Variants in SUCLG2 observed in about 807,000 individuals in gnomAD.
SUCLG2 encodes the protein succinate--CoA ligase [GDP-forming] subunit beta, mitochondrial.
SUCLG2 carries 42 observed loss-of-function variants against 47.9 expected under a neutral mutation model. The ratio of observed to expected loss-of-function variants is 0.88; its 90% confidence interval spans 0.69 to 1.14. The LOEUF is 1.14. Ranked by LOEUF, SUCLG2 falls within the 50% of genes most tolerant of loss-of-function variation. SUCLG2 has a pLI of 0.00. For synonymous variants in SUCLG2, 195 were observed against 197.3 expected (o/e 0.99, Z 0.10); for missense variants, 571 against 525.9 (o/e 1.09, Z -0.84).
At chr3:67,472,407 A>G (rs1181208431) in intron 9 of SUCLG2, among the ~76,000 whole-genome samples, 1 of 152,212 alleles carries the variant, frequency 6.6e-6, no homozygotes, top group East Asian at 1.9e-4. Flanking sequence ...GACATATTAC[A>G]TGATATACTG....
chr3:67,586,185 G>A (rs1012866496), intron 2 of SUCLG2, among the ~76,000 whole-genome samples: 1 of 152,086 alleles, frequency 6.6e-6, no homozygotes, highest in Non-Finnish European at 1.5e-5. Flanking sequence ...CAAGGATGAA[G>A]CATCCTACTT....
intron 1 of SUCLG2, among the ~76,000 whole-genome samples, chr3:67,627,013 GT>G (rs1375166613): frequency 6.8e-6 from 1 of 147,958 alleles, no homozygotes; most frequent in Non-Finnish European, 1.5e-5. Context: ...AAATGTTTTT[GT>G]TTTTAAAAAA....
intron 9 of SUCLG2, among the ~76,000 whole-genome samples, chr3:67,424,651 C>T (rs1388979323): frequency 6.6e-6 from 1 of 152,128 alleles, no homozygotes; most frequent in African/African-American, 2.4e-5. Context: ...CAATAATCCA[C>T]ATGAAGTACA....
intron 1 of SUCLG2, among the ~76,000 whole-genome samples, chr3:67,620,903 CTTCA>C (rs1162981508): frequency 6.6e-6 from 1 of 152,198 alleles, no homozygotes; most frequent in Non-Finnish European, 1.5e-5. Flanking sequence ...AGAGTTTAGA[CTTCA>C]TTCACTCAGT....
intron 9 of SUCLG2, among the ~76,000 whole-genome samples, chr3:67,405,704 T>C (rs1197584970): frequency 6.6e-6 from 1 of 152,194 alleles, no homozygotes; most frequent in Admixed American, 6.5e-5. Context: ...AGAGGAATAG[T>C]GAATTCTTCG....
chr3:67,585,993 C>CAAAAAAAAAAAAAAAAAAAAAAAAAAAAA (rs1575797477), intron 2 of SUCLG2, among the ~76,000 whole-genome samples: 1 of 20,738 alleles, frequency 4.8e-5, no homozygotes, highest in African/African-American at 1.4e-4. Flanking sequence ...AAAAAAAAAC[C>CAAAAAAAAAAAAAAAAAAAAAAAAAAAAA]AAACCCACAA....
intron 1 of SUCLG2, among the ~76,000 whole-genome samples, chr3:67,649,922 G>C (rs950536895): frequency 6.6e-6 from 1 of 152,160 alleles, no homozygotes; most frequent in Non-Finnish European, 1.5e-5. Context: ...TGCAGAACTA[G>C]ACCAGGGTAC....
In SUCLG2 at chr3:67,375,059, G is replaced by A. The variant is rs1395499793; in HGVS notation, c.*685C>T. 1.0e-6 allele frequency: 1 copy of A among 985,516 alleles called. No homozygotes were observed. 61.0% of individuals were successfully genotyped at this position (985,516 alleles called of 1,614,324 possible). A position where few individuals can be genotyped will look rare whatever the true frequency, so the allele number is the denominator to read the frequency against. On this transcript the variant is annotated 3_prime_UTR_variant, in exon 11 of 11. Coordinates refer to ENST00000307227, the MANE Select transcript of SUCLG2 (RefSeq NM_003848.4). ...CTTCCACTCCCAAAATCACAAATAA[G>A]GCTTCTGGTTTTCTTTTTAGTGTGA...
At chr3:67,631,483 C>T (rs1009896615) in intron 1 of SUCLG2, among the ~76,000 whole-genome samples, 1 of 152,058 alleles carries the variant, frequency 6.6e-6, no homozygotes, top group Non-Finnish European at 1.5e-5. Context: ...CAAAAAGTAG[C>T]CGGGCGTGGT....
At chr3:67,547,696 C>T (rs1706904288) in intron 2 of SUCLG2, among the ~76,000 whole-genome samples, 1 of 148,860 alleles carries the variant, frequency 6.7e-6, no homozygotes, top group African/African-American at 2.6e-5. Flanking sequence ...ATGTCCTAGC[C>T]TTATGCAAAG....
intron 9 of SUCLG2, among the ~76,000 whole-genome samples, chr3:67,468,963 G>A (rs9873214): frequency 0.77 from 116,689 of 152,146 alleles, 44,986 homozygotes; most frequent in East Asian, 0.85. Context: ...TAAGGAGTGC[G>A]TACAAGGCTC....
chr3:67,638,554 T>C (rs1701046435), intron 1 of SUCLG2, among the ~76,000 whole-genome samples: 1 of 152,154 alleles, frequency 6.6e-6, no homozygotes, highest in Non-Finnish European at 1.5e-5. Flanking sequence ...ACAGGCAAGT[T>C]TGGTGGATAA....
chr3:67,616,321 C>A (rs1415685240), intron 1 of SUCLG2, among the ~76,000 whole-genome samples: 1 of 152,060 alleles, frequency 6.6e-6, no homozygotes, highest in Non-Finnish European at 1.5e-5. Flanking sequence ...AATTATTCTA[C>A]AAGGCACAAG....
intron 2 of SUCLG2, among the ~76,000 whole-genome samples, chr3:67,536,342 G>C (rs1706540503): frequency 6.6e-6 from 1 of 152,178 alleles, no homozygotes; most frequent in Non-Finnish European, 1.5e-5. Flanking sequence ...CTACCTTCTT[G>C]AATAGAAATC....
chr3:67,410,038 C>T (rs1702899601), intron 9 of SUCLG2, among the ~76,000 whole-genome samples: 1 of 152,146 alleles, frequency 6.6e-6, no homozygotes, highest in Admixed American at 6.6e-5. Context: ...TGAACTTTAG[C>T]AGACCATCTG....
intron 9 of SUCLG2, among the ~76,000 whole-genome samples, chr3:67,471,236 G>A (rs1300577952): frequency 2.0e-5 from 3 of 152,196 alleles, no homozygotes; most frequent in African/African-American, 7.2e-5. Flanking sequence ...TGGGAAGTCT[G>A]AAGGCTTCAG....
At chr3:67,558,331 C>CAAA (rs35100169) in intron 2 of SUCLG2, among the ~76,000 whole-genome samples, 1 of 114,938 alleles carries the variant, frequency 8.7e-6, no homozygotes, top group African/African-American at 3.0e-5. Flanking sequence ...TCTTTGACAC[C>CAAA]AAAAAAAAAA....
chr3:67,409,004 C>T (rs1299434528), intron 9 of SUCLG2: 6 of 1,535,206 alleles, frequency 3.9e-6, no homozygotes, highest in African/African-American at 1.4e-5. Context: ...TATTCTGGTG[C>T]CCAAGTATTT....
At chr3:67,535,968 G>C (rs1706530515) in intron 2 of SUCLG2, among the ~76,000 whole-genome samples, 1 of 152,222 alleles carries the variant, frequency 6.6e-6, no homozygotes, top group Non-Finnish European at 1.5e-5. Flanking sequence ...TCTGACAGCA[G>C]AGCCCACAAG....
Sources: gnomAD v4.1 joint callset for allele counts (sites outside exome capture counted in the v4.1 genomes callset) on GRCh38, gnomAD v4.1.1 for gene constraint, MANE v1.5 for transcripts, NCBI Gene and HGNC (gene_info 2026-07-23, HGNC 2026-07-21) for gene names.